Variants in USO1 observed in about 807,000 individuals in gnomAD.
The protein encoded by USO1 is USO1 vesicle transport factor.
In USO1, 57 loss-of-function variants were observed where a neutral mutation model predicts 124.5. The ratio of observed to expected loss-of-function variants is 0.46; its 90% confidence interval spans 0.37 to 0.57. USO1 has a LOEUF of 0.57. Among genes scored for constraint, USO1 ranks in the 20% least tolerant of loss-of-function variants. USO1 has a pLI of 0.00. For missense variants in USO1, 900 were observed against 1,040.6 expected (o/e 0.86, Z 1.86); for synonymous variants, 369 against 362.8 (o/e 1.02, Z -0.19).
intron 1 of USO1, chr4:75,744,848 G>A: frequency 2.2e-6 from 1 of 459,182 alleles, no homozygotes; most frequent in South Asian, 1.6e-5. Flanking sequence ...CTTCCGATGT[G>A]TTTTGTTTTC....
At chr4:75,738,158 TATA>T (rs1720850135) in intron 1 of USO1, among the ~76,000 whole-genome samples, 1 of 151,936 alleles carries the variant, frequency 6.6e-6, no homozygotes, top group South Asian at 2.1e-4. Context: ...TTTAAAATTC[TATA>T]ATATTAAGTT....
intron 1 of USO1, among the ~76,000 whole-genome samples, chr4:75,727,555 C>A (rs1720500562): frequency 6.6e-6 from 1 of 152,110 alleles, no homozygotes; most frequent in African/African-American, 2.4e-5. Context: ...TAAAAGGGGT[C>A]ATGGATTACT....
intron 1 of USO1, chr4:75,745,211 T>TA: frequency 6.7e-6 from 2 of 299,312 alleles, no homozygotes; most frequent in South Asian, 3.1e-5. Flanking sequence ...ATCTTTCTTT[T>TA]TTATATATAT....
intron 3 of USO1, among the ~76,000 whole-genome samples, chr4:75,753,039 A>G (rs1288223799): frequency 6.7e-6 from 1 of 149,540 alleles, no homozygotes; most frequent in African/African-American, 2.5e-5. Flanking sequence ...TTTACATATA[A>G]TATACATATT....
intron 4 of USO1, among the ~76,000 whole-genome samples, chr4:75,767,322 A>T (rs1028867582): frequency 4.6e-5 from 7 of 152,246 alleles, no homozygotes; most frequent in Non-Finnish European, 8.8e-5. Context: ...CAATATCTTT[A>T]CTTAGATACC....
chr4:75,800,660 G>T lies in USO1; in HGVS notation c.1725G>T (p.Glu575Asp), dbSNP rs767868509. ...KQLIEKRIGKENFIEKLGFIS... is the reference protein window; with the variant it reads ...KQLIEKRIGKDNFIEKLGFIS... ...TGATTGAGAAGAGGATTGGCAAAGA[G>T]AATTTCATAGAGAAACTAGGATTTA... is the stretch of plus-strand genomic sequence containing the variant. Residue 575 changes from glutamate (E) to aspartate (D), a missense_variant, in exon 16 of 24, where the codon GAG (glutamate) becomes GAT (aspartate). By Grantham distance (45) the Glu-to-Asp change is conservative (BLOSUM62 2). Transcript: ENST00000514213. The T allele has an allele frequency of 6.3e-7, 1 of 1,593,058 alleles. No homozygotes were observed. The highest frequency in any genetic ancestry group is 1.8e-5 in the Admixed American group (1 of 55,024).
chr4:75,784,047 G>C (rs1466133833), intron 9 of USO1, among the ~76,000 whole-genome samples: 1 of 152,156 alleles, frequency 6.6e-6, no homozygotes, highest in Non-Finnish European at 1.5e-5. Context: ...TAAGAGACAG[G>C]TTCTTACTTA....
intron 9 of USO1, among the ~76,000 whole-genome samples, chr4:75,783,736 A>G (rs745971885): frequency 7.2e-5 from 11 of 152,170 alleles, no homozygotes; most frequent in Non-Finnish European, 1.0e-4. Flanking sequence ...CCAGTTTGCC[A>G]GTACATTACT....
At chr4:75,765,945 C>T (rs1322714133) in intron 4 of USO1, among the ~76,000 whole-genome samples, 3 of 152,140 alleles carry the variant, frequency 2.0e-5, no homozygotes, top group African/African-American at 7.2e-5. Context: ...TGATAGCTTT[C>T]AAGTGTACTT....
intron 19 of USO1, 80 bp from the exon 20 acceptor site, chr4:75,806,406 T>C: frequency 4.0e-6 from 6 of 1,484,164 alleles, no homozygotes; most frequent in Non-Finnish European, 4.5e-6. Context: ...TGATATAGTT[T>C]ATATGTGTAC....
At chr4:75,770,675 G>C (rs324715) in intron 5 of USO1, 136 bp downstream of exon 5, 1,274,178 of 1,451,720 alleles carry the variant, frequency 0.88, 559,732 homozygotes, top group African/African-American at 0.97. Context: ...GATCCACATG[G>C]ATGTTTCAAG....
intron 4 of USO1, among the ~76,000 whole-genome samples, chr4:75,768,226 G>T (rs1450023196): frequency 6.6e-6 from 1 of 152,038 alleles, no homozygotes; most frequent in Non-Finnish European, 1.5e-5. Flanking sequence ...ATGTTGCCCA[G>T]GCTGGTCTTG....
At position 75,771,133 on chromosome 4, in the gene USO1, A is replaced by G. The variant is rs1486621872; in HGVS notation, c.551A>G (p.Asn184Ser). 2 of 1,606,970 alleles carry G rather than the reference A, an allele frequency of 1.2e-6. No homozygotes were observed. Among genetic ancestry groups the G allele is most frequent in the Non-Finnish European group, 1.7e-6 (2 of 1,177,642 alleles). Residue 184 changes from asparagine to serine, a missense_variant, in exon 7 of 24, where the codon AAT becomes AGT. Physicochemically the swap from Asn to Ser is conservative, Grantham distance 46 (BLOSUM62 1). Coordinates refer to ENST00000514213, the MANE Select transcript of USO1 (RefSeq NM_003715.4). ...GCGGATTCCAGGGAAGTTATACGTA[A>G]TGATGTAAGTTAAATTTCAAAAAGA... is the stretch of plus-strand genomic sequence containing the variant. ...LLADSREVIR[N>S]DGVLLLQALT... is the part of the protein sequence containing the mutation.
intron 13 of USO1, among the ~76,000 whole-genome samples, chr4:75,796,008 A>G (rs1722667089): frequency 6.6e-6 from 1 of 152,114 alleles, no homozygotes; most frequent in African/African-American, 2.4e-5. Flanking sequence ...CATGGGTTTC[A>G]GTTGAATAAT....
chr4:75,751,508 G>T (rs1022747809), intron 1 of USO1, among the ~76,000 whole-genome samples: 1 of 145,490 alleles, frequency 6.9e-6, no homozygotes, highest in East Asian at 2.1e-4. Context: ...CACTGAGCCC[G>T]GCCAAGATTC....
At chr4:75,809,136 T>C in intron 21 of USO1, 85 bp downstream of exon 21, 1 of 1,458,762 alleles carries the variant, frequency 6.9e-7, no homozygotes, top group Non-Finnish European at 9.1e-7. Flanking sequence ...AAGAAACAAA[T>C]TCATCAGATA....
intron 17 of USO1, among the ~76,000 whole-genome samples, chr4:75,802,736 C>CTTTTTTTTTTTTTTTTTTTTTTTTTT (rs997798305): frequency 9.4e-5 from 6 of 63,740 alleles, no homozygotes; most frequent in African/African-American, 2.0e-4. Context: ...TTTTTCTTTT[C>CTTTTTTTTTTTTTTTTTTTTTTTTTT]TTTTTTTTTT....
Position 75,812,355 on chromosome 4 carries a change from C to T in USO1, c.2779C>T (p.Leu927Phe). ...DQKILSLKNK[L>F]KDLGHPVEEE... is the part of the protein sequence containing the mutation. ...GAAAATACTGTCATTGAAGAATAAA[C>T]TCAAGGATCTTGGTCATCCAGTAAG... Residue 927 changes from leucine (L) to phenylalanine (F), a missense_variant, in exon 23 of 24, where the codon CTC becomes TTC. By Grantham distance (22) the Leu-to-Phe change is conservative. Around this residue, in one of 2 missense-constraint regions of USO1, gnomAD observed 362 missense variants for 359.0 expected, o/e 1.01. Transcript: ENST00000514213. The T allele has an allele frequency of 6.3e-7, 1 of 1,593,616 alleles. No individual in the cohort carries two copies. Among genetic ancestry groups the T allele is most frequent in the Non-Finnish European group, 8.5e-7 (1 of 1,169,594 alleles).
intron 18 of USO1, 21 bp downstream of exon 18, chr4:75,804,293 A>G (rs749617381): frequency 6.2e-7 from 1 of 1,604,682 alleles, no homozygotes; most frequent in Non-Finnish European, 8.5e-7. Context: ...CTAAGCCATC[A>G]CTATGATAGC....
Sources: gnomAD v4.1 joint callset for allele counts (sites outside exome capture counted in the v4.1 genomes callset) on GRCh38, gnomAD v4.1.1 for gene constraint, gnomAD v4.1.1 regional missense constraint, MANE v1.5 for transcripts, NCBI Gene and HGNC (gene_info 2026-07-23, HGNC 2026-07-21) for gene names.